KLHL29: variants seen among roughly 807,000 people sequenced by gnomAD.
KLHL29 encodes the protein kelch like family member 29, also known as kelch-like protein 29.
Under a neutral mutation model 80.4 loss-of-function variants are expected in KLHL29, and 21 were observed. The ratio of observed to expected loss-of-function variants is 0.26; its 90% CI spans 0.19 to 0.38. KLHL29 has a LOEUF of 0.38. Among genes scored for constraint, KLHL29 ranks in the 10% least tolerant of loss-of-function variants. KLHL29 has a pLI of 1.00. For missense variants in KLHL29, 867 were observed against 1,223.9 expected (o/e 0.71, Z 4.35); for synonymous variants, 511 against 526.8 (o/e 0.97, Z 0.41).
In KLHL29 at chr2:23,675,888, G is replaced by A. The variant is rs1460944986; in HGVS notation, c.941-8511G>A. Among the ~76,000 whole-genome samples, 4 of 152,278 alleles carry A rather than the reference G, an allele frequency of 2.6e-5. No homozygotes were observed. The East Asian group carries it at 7.7e-4, about 29-fold the overall frequency. ...AATAGTTCCAGTGGATCACATTTGG[G>A]GGAATGTGATCTAACCCCCTAGCAC... On this transcript the variant is annotated intron_variant, in intron 5 of 13. Transcript: ENST00000486442.
intron 2 of KLHL29, among the ~76,000 whole-genome samples, chr2:23,533,093 C>T (rs1035912371): frequency 3.3e-5 from 5 of 152,110 alleles, no homozygotes; most frequent in Admixed American, 6.5e-5. Context: ...TGTGTGAGAG[C>T]GTCTCTCAGT....
chr2:23,438,476 A>G (rs1009487882), intron 1 of KLHL29, among the ~76,000 whole-genome samples: 3 of 139,366 alleles, frequency 2.2e-5, no homozygotes, highest in African/African-American at 8.6e-5. Context: ...TTATTTTGAG[A>G]TACGTCCCAT....
At chr2:23,405,230 A>C (rs932291816) in intron 1 of KLHL29, among the ~76,000 whole-genome samples, 2 of 152,036 alleles carry the variant, frequency 1.3e-5, no homozygotes, top group African/African-American at 4.8e-5. Context: ...TAAAGGTAAT[A>C]CCTTTTTTTC....
chr2:23,701,781 GGCTTTTTTTT>G (rs1318358529), intron 11 of KLHL29, among the ~76,000 whole-genome samples: 1 of 144,064 alleles, frequency 6.9e-6, no homozygotes, highest in Non-Finnish European at 1.5e-5. Flanking sequence ...TCGCACACAT[GGCTTTTTTTT>G]GCTTTTTTTT....
intron 1 of KLHL29, among the ~76,000 whole-genome samples, chr2:23,395,039 G>T (rs1404352278): frequency 6.6e-6 from 1 of 152,188 alleles, no homozygotes; most frequent in Non-Finnish European, 1.5e-5. Flanking sequence ...GTCCTTGAAG[G>T]CAAGGACTTT....
intron 1 of KLHL29, among the ~76,000 whole-genome samples, chr2:23,426,160 G>A (rs1384747782): frequency 2.0e-5 from 3 of 152,130 alleles, no homozygotes; most frequent in Non-Finnish European, 4.4e-5. Flanking sequence ...CGGGGAGGAG[G>A]GGATGAGTAG....
chr2:23,681,332 G>A lies in KLHL29; in HGVS notation c.941-3067G>A, dbSNP rs1234776184. Among the ~76,000 whole-genome samples, 1 of 152,216 alleles carries A rather than the reference G, an allele frequency of 6.6e-6. No homozygotes were observed. The highest frequency in any genetic ancestry group is 2.4e-5 in the African/African-American group (1 of 41,454). On this transcript the variant is annotated intron_variant, in intron 5 of 13. Coordinates refer to ENST00000486442, the MANE Select transcript of KLHL29 (RefSeq NM_052920.2). The surrounding 1 kb of genome is among the most constrained non-coding windows in gnomAD (Gnocchi z 4.2). ...AAGTGAGATTCAGAGAGAGCAGAAA[G>A]CACCTACATTAGGATGGGGACACCT...
chr2:23,577,750 A>G (rs1358039300), intron 3 of KLHL29, among the ~76,000 whole-genome samples: 25 of 147,468 alleles, frequency 1.7e-4, no homozygotes, highest in Non-Finnish European at 3.2e-4. Context: ...CTTCATCTCA[A>G]AAAAAAAAAA....
At chr2:23,526,770 C>T (rs545128773) in intron 2 of KLHL29, among the ~76,000 whole-genome samples, 10 of 152,312 alleles carry the variant, frequency 6.6e-5, no homozygotes, top group Non-Finnish European at 1.5e-4. Context: ...CTTCCCAGCT[C>T]CTCATTAGGA....
At chr2:23,702,379 T>C (rs1672454571) in intron 11 of KLHL29, among the ~76,000 whole-genome samples, 1 of 152,204 alleles carries the variant, frequency 6.6e-6, no homozygotes, top group Admixed American at 6.5e-5. Context: ...AAATGTCAGA[T>C]ATCTCATGGA....
intron 3 of KLHL29, among the ~76,000 whole-genome samples, chr2:23,613,812 G>A (rs191433555): frequency 6.9e-6 from 1 of 144,308 alleles, no homozygotes; most frequent in East Asian, 2.0e-4. Flanking sequence ...CAGCTCACCA[G>A]GAAGATACAA....
At chr2:23,552,890 G>A (rs1667166517) in intron 2 of KLHL29, among the ~76,000 whole-genome samples, 1 of 150,518 alleles carries the variant, frequency 6.6e-6, no homozygotes, top group Non-Finnish European at 1.5e-5. Flanking sequence ...CTCCCAAGTA[G>A]CTGGGATTAC....
At chr2:23,559,626 A>T (rs934359) in intron 2 of KLHL29, among the ~76,000 whole-genome samples, 2,335 of 152,238 alleles carry the variant, frequency 0.015, 58 homozygotes, top group African/African-American at 0.053. Context: ...GGAATTCCTG[A>T]GGATGGGTGT....
At chr2:23,657,498 G>C (rs1202999394) in intron 5 of KLHL29, among the ~76,000 whole-genome samples, 1 of 152,178 alleles carries the variant, frequency 6.6e-6, no homozygotes, top group East Asian at 1.9e-4. Context: ...ATTGCTAATG[G>C]ACATCTCTCA....
chr2:23,487,964 A>C (rs1264557892), intron 2 of KLHL29, among the ~76,000 whole-genome samples: 1 of 152,146 alleles, frequency 6.6e-6, no homozygotes, highest in East Asian at 1.9e-4. Flanking sequence ...CACAGTAACC[A>C]GCCCGAGGGG....
intron 2 of KLHL29, among the ~76,000 whole-genome samples, chr2:23,494,287 A>G (rs952067483): frequency 6.6e-6 from 1 of 152,202 alleles, no homozygotes; most frequent in African/African-American, 2.4e-5. Context: ...GCAACAAAGG[A>G]AATTGAATGT....
intron 11 of KLHL29, among the ~76,000 whole-genome samples, chr2:23,701,465 C>G (rs1672359354): frequency 6.6e-6 from 1 of 152,190 alleles, no homozygotes; most frequent in Non-Finnish European, 1.5e-5. Flanking sequence ...GTAATCCCAG[C>G]ACTTTAGGAG....
intron 5 of KLHL29, among the ~76,000 whole-genome samples, chr2:23,665,904 G>C (rs1670540130): frequency 6.6e-6 from 1 of 152,190 alleles, no homozygotes; most frequent in Admixed American, 6.5e-5. Context: ...ATTTGGAGGG[G>C]ACAAATATCC....
At chr2:23,650,448 C>T (rs1670059682) in intron 5 of KLHL29, among the ~76,000 whole-genome samples, 1 of 152,162 alleles carries the variant, frequency 6.6e-6, no homozygotes, top group Non-Finnish European at 1.5e-5. Flanking sequence ...CCAAGCCATC[C>T]CTCTCTCTCA....
Sources: gnomAD v4.1 joint callset for allele counts (sites outside exome capture counted in the v4.1 genomes callset) on GRCh38, gnomAD v4.1.1 for gene constraint, Gnocchi (gnomAD v3.1) non-coding constraint, MANE v1.5 for transcripts, NCBI Gene and HGNC (gene_info 2026-07-23, HGNC 2026-07-21) for gene names.